The following IHH variants were observed in gnomAD, a reference collection of about 807,000 sequenced individuals.
The protein encoded by IHH is indian hedgehog protein.
Under a neutral mutation model 29.4 loss-of-function variants are expected in IHH, and 9 were observed. The ratio of observed to expected loss-of-function variants is 0.31; its 90% confidence interval spans 0.18 to 0.53. The LOEUF (loss-of-function observed/expected upper bound fraction) is 0.53. Ranked by LOEUF, IHH falls within the 20% of genes least tolerant of loss-of-function variation. The pLI is 0.95. For synonymous variants in IHH, 254 were observed against 252.7 expected (o/e 1.01, Z -0.05); for missense variants, 454 against 578.1 (o/e 0.79, Z 2.20).
rs753334217 is a variant in IHH at position 219,055,760 on chromosome 2, C to T, written c.683G>A (p.Arg228His). The T allele has an allele frequency of 6.2e-6, 10 of 1,613,698 alleles. No individual in the cohort carries two copies. The highest frequency in any genetic ancestry group is 2.2e-5 in the South Asian group (2 of 91,090). The part of the protein sequence containing the change: ...VALSAVRPGD[R>H]VLAMGEDGSP... Reference sequence around the variant, plus strand: ...CCCATCCTCCCCCATGGCCAGCACACGGTCTCCCGGCCTCACGGCTGACAA... The same window carrying T: ...CCCATCCTCCCCCATGGCCAGCACATGGTCTCCCGGCCTCACGGCTGACAA... Residue 228 changes from arginine to histidine, a missense_variant, in exon 3 of 3, where the codon CGT becomes CAT. Arg to His is a conservative substitution (Grantham distance 29). Around this residue, in one of 3 missense-constraint regions of IHH, gnomAD observed 271 missense variants for 315.9 expected, o/e 0.86. Transcript: ENST00000295731.
At chr2:219,057,306 G>A in intron 2 of IHH, 127 bp downstream of exon 2, 2 of 1,112,082 alleles carry the variant, frequency 1.8e-6, no homozygotes, top group Non-Finnish European at 1.3e-6. Context: ...GGAGAGCGCC[G>A]CTGATGTCCT....
Position 219,055,832 on chromosome 2 carries a change from A to T in IHH, c.611T>A (p.Phe204Tyr). 6.2e-7 allele frequency: 1 copy of T among 1,611,300 alleles called. No individual in the cohort carries two copies. Among genetic ancestry groups the T allele is most frequent in the Non-Finnish European group, 8.5e-7 (1 of 1,179,922 alleles). Reference protein sequence around the residue: ...HSAAAKTGGCFPAGAQVRLES... With the variant: ...HSAAAKTGGCYPAGAQVRLES... Reference sequence around the variant, plus strand: ...CAGGCGTACCTGGGCTCCGGCAGGGAAGCAGCCGCCCGTCTTGGCTGCGGC... The same window carrying T: ...CAGGCGTACCTGGGCTCCGGCAGGGTAGCAGCCGCCCGTCTTGGCTGCGGC... The change falls in exon 3 of 3, where the codon TTC (phenylalanine) becomes TAC (tyrosine). Residue 204 changes from phenylalanine to tyrosine, a missense_variant. Physicochemically the swap from Phe to Tyr is conservative, Grantham distance 22. Around this residue, in one of 3 missense-constraint regions of IHH, gnomAD observed 271 missense variants for 315.9 expected, o/e 0.86. Transcript: ENST00000295731.
Position 219,055,152 on chromosome 2 carries a change from TGA to T in IHH, c.*53_*54del. ...CTTCCAGGGCCAGCTCCCTCCTGGCTGAGAGGCTTCTGGACCCAGTACAGCAG... is the reference window on the plus strand; with the variant it reads ...CTTCCAGGGCCAGCTCCCTCCTGGCTGAGGCTTCTGGACCCAGTACAGCAG... On this transcript the variant is annotated 3_prime_UTR_variant, in exon 3 of 3. Coordinates refer to ENST00000295731, the MANE Select transcript of IHH (RefSeq NM_002181.4). 6.5e-7 allele frequency: 1 copy of T among 1,540,552 alleles called. No homozygotes were observed.
intron 1 of IHH, among the ~76,000 whole-genome samples, chr2:219,058,999 C>A (rs1948856288): frequency 6.6e-6 from 1 of 152,214 alleles, no homozygotes; most frequent in Non-Finnish European, 1.5e-5. Flanking sequence ...CGCACCTATG[C>A]CCGCCTGCAG....
chr2:219,057,344 C>A lies in IHH; in HGVS notation c.577+89G>T, dbSNP rs893965421. On this transcript the variant is annotated intron_variant, in intron 2 of 2. Coordinates refer to ENST00000295731, the MANE Select transcript of IHH (RefSeq NM_002181.4). ...TCCCCCGGATCCCTGCCTCCATCCC[C>A]GGGCGGGCTCTTCACCTTCTCGGCA... 5.7e-6 allele frequency: 8 copies of A among 1,393,100 alleles called. No individual in the cohort carries two copies. The East Asian group carries it at 1.3e-4, about 22-fold the overall frequency. 86.3% of individuals were successfully genotyped at this position (1,393,100 alleles called of 1,614,324 possible).
intron 1 of IHH, among the ~76,000 whole-genome samples, chr2:219,058,272 TCG>T (rs1032734226): frequency 2.6e-5 from 4 of 151,878 alleles, no homozygotes; most frequent in Non-Finnish European, 5.9e-5. Flanking sequence ...TGGAGGGGAA[TCG>T]CCGGCCTGCC....
In IHH at chr2:219,060,546, G is replaced by A; in HGVS notation, c.-79C>T. The A allele has an allele frequency of 6.6e-6, 7 of 1,058,614 alleles. No individual in the cohort carries two copies. Among genetic ancestry groups the A allele is most frequent in the Non-Finnish European group, 8.7e-6 (7 of 803,352 alleles). 65.6% of individuals were successfully genotyped at this position (1,058,614 alleles called of 1,614,324 possible). On this transcript the variant is annotated 5_prime_UTR_variant, in exon 1 of 3. Transcript: ENST00000295731. This position sits in a 1 kb window ranked among gnomAD's most constrained non-coding sequence, Gnocchi z 8.8. ...AGGCGCGTCGACGGGAGCGCTGCGG[G>A]GGCTCAGGCGTCCGGGTGGCTCCGG...
At position 219,055,130 on chromosome 2, in the gene IHH, C is replaced by A; in HGVS notation, c.*77G>T. On this transcript the variant is annotated 3_prime_UTR_variant, in exon 3 of 3. Coordinates refer to ENST00000295731, the MANE Select transcript of IHH (RefSeq NM_002181.4). ...CAGTGTCCCCCAGCTCAGGTCCCTT[C>A]CAGGGCCAGCTCCCTCCTGGCTGAG... The A allele has an allele frequency of 6.0e-6, 9 of 1,490,348 alleles. No homozygotes were observed. In the South Asian group the frequency reaches 1.1e-4, roughly 18 times the overall value. 92.3% of individuals were successfully genotyped at this position (1,490,348 alleles called of 1,614,324 possible).
At position 219,055,194 on chromosome 2, in the gene IHH, C is replaced by A. The variant is rs534566881; in HGVS notation, c.*13G>T. The A allele has an allele frequency of 6.4e-7, 1 of 1,556,442 alleles. No individual in the cohort carries two copies. Among genetic ancestry groups the A allele is most frequent in the Admixed American group, 1.9e-5 (1 of 51,778 alleles). ...CAGTACAGCAGTTCCAGGAGGGCAG[C>A]GGTGGAGTCCTTTCAGCTCCCTGCC... On this transcript the variant is annotated 3_prime_UTR_variant, in exon 3 of 3. Transcript: ENST00000295731.
Position 219,057,507 on chromosome 2 carries a change from C to A in IHH, c.503G>T (p.Arg168Leu). 1.2e-6 allele frequency: 2 copies of A among 1,613,638 alleles called. No homozygotes were observed. The highest frequency in any genetic ancestry group is 2.2e-5 in the South Asian group (2 of 91,002). Residue 168 changes from arginine (R) to leucine (L), a missense_variant, in exon 2 of 3, where the codon CGC becomes CTC. This residue lies in a region of IHH where 70 missense variants were observed against 140.1 expected (regional missense o/e 0.50). Transcript: ENST00000295731. ...GTCAAAGCCGGCCTCCACTGCCAAG[C>A]GCGCCAGCAGTCCATACTTATTGCG... ...RDRNKYGLLARLAVEAGFDWV... is the reference protein window; with the variant it reads ...RDRNKYGLLALLAVEAGFDWV...
chr2:219,055,129 T>C lies in IHH; in HGVS notation c.*78A>G. The stretch of plus-strand genomic sequence containing the variant: ...CCAGTGTCCCCCAGCTCAGGTCCCT[T>C]CCAGGGCCAGCTCCCTCCTGGCTGA... On this transcript the variant is annotated 3_prime_UTR_variant, in exon 3 of 3. Transcript: ENST00000295731. 6.7e-7 allele frequency: 1 copy of C among 1,488,692 alleles called. No individual in the cohort carries two copies. The highest frequency in any genetic ancestry group is 9.1e-7 in the Non-Finnish European group (1 of 1,093,298). 92.2% of individuals were successfully genotyped at this position (1,488,692 alleles called of 1,614,324 possible).
chr2:219,060,409 A>G lies in IHH; in HGVS notation c.59T>C (p.Leu20Pro). Reference protein sequence around the residue: ...LHFCLVLLLLLVVPAAWGCGP... With the variant: ...LHFCLVLLLLPVVPAAWGCGP... Reference sequence around the variant, plus strand: ...GCAGCCCCATGCCGCCGGCACCACCAGCAGCAGCAACAGGACCAGGCAGAA... The same window carrying G: ...GCAGCCCCATGCCGCCGGCACCACCGGCAGCAGCAACAGGACCAGGCAGAA... The change falls in exon 1 of 3, where the codon CTG becomes CCG. Residue 20 changes from leucine to proline, a missense_variant. Physicochemically the swap from Leu to Pro is moderately conservative, Grantham distance 98. Transcript: ENST00000295731. The surrounding 1 kb of genome is among the most constrained non-coding windows in gnomAD (Gnocchi z 8.8). The G allele has an allele frequency of 1.3e-6, 2 of 1,597,976 alleles. No individual in the cohort carries two copies. Among genetic ancestry groups the G allele is most frequent in the Non-Finnish European group, 1.7e-6 (2 of 1,176,302 alleles).
rs761059577 is a variant in IHH at position 219,055,306 on chromosome 2, C to T, written c.1137G>A (p.Glu379=). The T allele has an allele frequency of 1.9e-6, 3 of 1,612,710 alleles. No homozygotes were observed. Among genetic ancestry groups the T allele is most frequent in the Non-Finnish European group, 2.5e-6 (3 of 1,179,794 alleles). The change falls in exon 3 of 3, where the codon GAG becomes GAA. Residue 379 remains glutamate (E), a synonymous_variant. Transcript: ENST00000295731. The part of the protein sequence containing the change: ...SLAWGSWTPG[E]GVHWYPQLLY... ...GCAGCTGGGGGTACCAATGCACACC[C>T]TCCCCCGGAGTCCAGCTGCCCCATG...
intron 2 of IHH, 81 bp from the exon 3 acceptor site, chr2:219,055,946 AG>A: frequency 7.0e-7 from 1 of 1,433,888 alleles, no homozygotes. Flanking sequence ...TGGCCACCCC[AG>A]CCAGCCAGAG....
intron 1 of IHH, among the ~76,000 whole-genome samples, chr2:219,057,935 T>G (rs991396175): frequency 6.6e-6 from 1 of 152,224 alleles, no homozygotes; most frequent in African/African-American, 2.4e-5. Flanking sequence ...GGAGGAGGCA[T>G]GGAGGCAAGC....
chr2:219,057,810 G>C, intron 1 of IHH, 116 bp from the exon 2 acceptor site: 3 of 1,402,028 alleles, frequency 2.1e-6, no homozygotes, highest in Non-Finnish European at 3.0e-6. Flanking sequence ...CAAGGGAGCT[G>C]GAAGCCCGGG....
Position 219,060,373 on chromosome 2 carries a change from C to T in IHH, c.95G>A (p.Arg32Gln). ...CGGTCGCCGGCGGCTGCCCACCACCCGACCCGGCCCGCAGCCCCATGCCGC... is the reference window on the plus strand; with the variant it reads ...CGGTCGCCGGCGGCTGCCCACCACCTGACCCGGCCCGCAGCCCCATGCCGC... ...VPAAWGCGPG[R>Q]VVGSRRRPPR... The change falls in exon 1 of 3, where the codon CGG becomes CAG. Residue 32 changes from arginine to glutamine, a missense_variant. Around this residue, in one of 3 missense-constraint regions of IHH, gnomAD observed 113 missense variants for 122.1 expected, o/e 0.93. Coordinates refer to ENST00000295731, the MANE Select transcript of IHH (RefSeq NM_002181.4). This position sits in a 1 kb window ranked among gnomAD's most constrained non-coding sequence, Gnocchi z 8.8. 1.3e-5 allele frequency: 21 copies of T among 1,603,792 alleles called. No individual in the cohort carries two copies. Among genetic ancestry groups the T allele is most frequent in the Non-Finnish European group, 1.8e-5 (21 of 1,178,398 alleles).
At chr2:219,057,097 G>A (rs1948838702) in intron 2 of IHH, among the ~76,000 whole-genome samples, 2 of 152,182 alleles carry the variant, frequency 1.3e-5, no homozygotes, top group Admixed American at 1.3e-4. Context: ...GCCAGGTGGG[G>A]TGGGGAGGCC....
Position 219,057,550 on chromosome 2 carries a change from T to C in IHH, c.460A>G (p.Thr154Ala). The change falls in exon 2 of 3, where the codon ACC becomes GCC. Residue 154 changes from threonine (T) to alanine (A), a missense_variant. Thr to Ala is a moderately conservative substitution (Grantham distance 58). This residue lies in a region of IHH where 70 missense variants were observed against 140.1 expected (regional missense o/e 0.50). Transcript: ENST00000295731. ...LHYEGRAVDITTSDRDRNKYG... is the reference protein window; with the variant it reads ...LHYEGRAVDIATSDRDRNKYG... ...TTATTGCGGTCGCGGTCTGATGTGG[T>C]GATGTCCACCGCGCGGCCCTCATAA... 1 of 1,613,942 alleles carries C rather than the reference T, an allele frequency of 6.2e-7. No homozygotes were observed. Among genetic ancestry groups the C allele is most frequent in the Non-Finnish European group, 8.5e-7 (1 of 1,179,980 alleles).
Sources: gnomAD v4.1 joint callset for allele counts (sites outside exome capture counted in the v4.1 genomes callset) on GRCh38, gnomAD v4.1.1 for gene constraint, gnomAD v4.1.1 regional missense constraint, Gnocchi (gnomAD v3.1) non-coding constraint, MANE v1.5 for transcripts, NCBI Gene and HGNC (gene_info 2026-07-23, HGNC 2026-07-21) for gene names.